The following CCDC149 variants were observed in gnomAD, a reference collection of about 807,000 sequenced individuals.
CCDC149 encodes coiled-coil domain-containing protein 149.
In CCDC149, 45 loss-of-function variants were observed where a neutral mutation model predicts 59.9. That is an observed-to-expected ratio of 0.75 (90% confidence interval 0.59 to 0.96). CCDC149 has a LOEUF of 0.96. Among genes scored for constraint, CCDC149 ranks in the 40% least tolerant of loss-of-function variants. The probability of loss-of-function intolerance (pLI) is 0.00; values close to 1 mark genes in which losing one functional copy is unlikely to be tolerated. For synonymous variants in CCDC149, 245 were observed against 260.6 expected, an observed-to-expected ratio of 0.94 and a Z score of 0.58; for missense variants, 584 against 664.7, an observed-to-expected ratio of 0.88 and a Z score of 1.33.
Position 24,975,888 on chromosome 4 carries a change from G to A in CCDC149, c.-65+4181C>T, listed in dbSNP as rs536857205. On this transcript the variant is annotated intron_variant, in intron 1 of 12. Transcript: ENST00000389609. ...CATCATTTAACTCAAGCCTGGTTGGGGGTCCTGGGAAGGGCAAAGTCTGTG... is the reference window on the plus strand; with the variant it reads ...CATCATTTAACTCAAGCCTGGTTGGAGGTCCTGGGAAGGGCAAAGTCTGTG... Among the ~76,000 whole-genome samples the A allele has an allele frequency of 1.8e-4, 27 of 151,998 alleles. No individual in the cohort carries two copies. The South Asian group carries it at 5.6e-3, about 32-fold the overall frequency.
intron 12 of CCDC149, among the ~76,000 whole-genome samples, chr4:24,817,474 C>A (rs1347850318): frequency 6.6e-6 from 1 of 152,170 alleles, no homozygotes; most frequent in East Asian, 2.0e-4. Flanking sequence ...CTGGCTTCTA[C>A]CACTCCATGC....
intron 4 of CCDC149, among the ~76,000 whole-genome samples, chr4:24,839,026 T>TCACACA (rs1160289624): frequency 3.4e-4 from 45 of 131,734 alleles, no homozygotes; most frequent in African/African-American, 1.2e-3. Flanking sequence ...TCTCTCTCTC[T>TCACACA]CTCACACACA....
chr4:24,861,327 A>T (rs1478656977), intron 3 of CCDC149, among the ~76,000 whole-genome samples: 2 of 152,086 alleles, frequency 1.3e-5, no homozygotes, highest in African/African-American at 4.8e-5. Context: ...AAATAATGGC[A>T]TTTTCAGCAA....
chr4:24,932,223 G>C (rs1292625787), intron 1 of CCDC149, among the ~76,000 whole-genome samples: 2 of 152,154 alleles, frequency 1.3e-5, no homozygotes, highest in Non-Finnish European at 2.9e-5. Flanking sequence ...GCACCTAACA[G>C]GTTTTCCAAA....
At chr4:24,884,200 T>G (rs1720020759) in intron 1 of CCDC149, among the ~76,000 whole-genome samples, 1 of 152,126 alleles carries the variant, frequency 6.6e-6, no homozygotes, top group Admixed American at 6.6e-5. Context: ...GGTGGTCCCG[T>G]AAGATTATGT....
intron 3 of CCDC149, 71 bp downstream of exon 3, chr4:24,873,610 T>G (rs1719196438): frequency 3.0e-6 from 3 of 1,013,052 alleles, no homozygotes; most frequent in Non-Finnish European, 4.7e-6. Flanking sequence ...CTCTACATTT[T>G]GAGATTCCCT....
chr4:24,860,430 T>C (rs995662503), intron 3 of CCDC149, among the ~76,000 whole-genome samples: 11 of 152,274 alleles, frequency 7.2e-5, no homozygotes, highest in African/African-American at 2.6e-4. Flanking sequence ...TCTCACCTTA[T>C]ACAAAAGCCA....
At chr4:24,831,477 C>A (rs1485793913) in intron 9 of CCDC149, 29 bp downstream of exon 9, 2 of 1,608,330 alleles carry the variant, frequency 1.2e-6, no homozygotes, top group Admixed American at 3.4e-5. Context: ...TTCGCGCCCA[C>A]CCCCCAACAC....
chr4:24,935,745 G>A (rs1211518207), intron 1 of CCDC149, among the ~76,000 whole-genome samples: 2 of 152,064 alleles, frequency 1.3e-5, no homozygotes, highest in Non-Finnish European at 2.9e-5. Context: ...CCCAGTAAAT[G>A]GTATTTTGTT....
upstream of CCDC149, among the ~76,000 whole-genome samples, chr4:24,916,465 G>C (rs529288429): frequency 7.9e-5 from 12 of 152,222 alleles, no homozygotes; most frequent in South Asian, 2.5e-3. Context: ...CTCATTATGG[G>C]TTCTATACTT....
rs187315638 is a variant in CCDC149 at position 24,870,705 on chromosome 4, T to C, written c.264+2976A>G. Among the ~76,000 whole-genome samples the C allele has an allele frequency of 2.8e-3, 422 of 152,294 alleles. 5 individuals carry two copies. The highest frequency in any genetic ancestry group is 2.5e-3 in the Non-Finnish European group (168 of 68,026). On this transcript the variant is annotated intron_variant, in intron 3 of 12. Transcript: ENST00000635206. The stretch of plus-strand genomic sequence containing the variant: ...TGTGGAATGTGAATTCCCCTAAAAC[T>C]ATAAAACTCCTTCATGAATACTAAC...
chr4:24,866,684 T>C (rs904988528), intron 3 of CCDC149, among the ~76,000 whole-genome samples: 2 of 151,962 alleles, frequency 1.3e-5, no homozygotes, highest in African/African-American at 4.8e-5. Flanking sequence ...AAATTCGTTG[T>C]TTTAAAAAGG....
chr4:24,867,418 T>C (rs1000803439), intron 3 of CCDC149, among the ~76,000 whole-genome samples: 2 of 152,228 alleles, frequency 1.3e-5, no homozygotes, highest in East Asian at 1.9e-4. Flanking sequence ...ATGAAAGACA[T>C]ACCTCCCAGT....
intron 1 of CCDC149, among the ~76,000 whole-genome samples, chr4:24,905,570 G>T (rs1721450074): frequency 6.8e-6 from 1 of 147,178 alleles, no homozygotes; most frequent in South Asian, 2.2e-4. Flanking sequence ...TGGGTAGCTG[G>T]GACTACAAGC....
chr4:24,854,087 C>T (rs1442783293), intron 3 of CCDC149, among the ~76,000 whole-genome samples: 1 of 152,146 alleles, frequency 6.6e-6, no homozygotes, highest in Admixed American at 6.5e-5. Flanking sequence ...TGGTCCCTTT[C>T]CCCAGAGCAT....
intron 1 of CCDC149, among the ~76,000 whole-genome samples, chr4:24,948,248 T>A (rs896257491): frequency 6.6e-6 from 1 of 152,238 alleles, no homozygotes; most frequent in African/African-American, 2.4e-5. Context: ...GGATTTGCCA[T>A]CAGGTGACAA....
At chr4:24,863,246 C>T (rs1302937811) in intron 3 of CCDC149, among the ~76,000 whole-genome samples, 3 of 151,478 alleles carry the variant, frequency 2.0e-5, no homozygotes, top group Admixed American at 6.6e-5. Flanking sequence ...GAGCCGAGAT[C>T]ACACCACTGC....
chr4:24,919,134 A>T (rs1396430275), intron 1 of CCDC149, among the ~76,000 whole-genome samples: 1 of 152,212 alleles, frequency 6.6e-6, no homozygotes, highest in Middle Eastern at 3.2e-3. Context: ...ACGATACAGG[A>T]AAAACAATCT....
chr4:24,838,789 A>AC (rs1387666803), intron 4 of CCDC149, among the ~76,000 whole-genome samples: 2 of 151,770 alleles, frequency 1.3e-5, no homozygotes, highest in African/African-American at 4.9e-5. Flanking sequence ...AAAAAAAAAA[A>AC]ACAAAAAAAA....
Sources: gnomAD v4.1 joint callset for allele counts (sites outside exome capture counted in the v4.1 genomes callset) on GRCh38, gnomAD v4.1.1 for gene constraint, MANE v1.5 for transcripts, NCBI Gene and HGNC (gene_info 2026-07-23, HGNC 2026-07-21) for gene names.